SEC63: variants seen among roughly 807,000 people sequenced by gnomAD.
SEC63 encodes the protein translocation protein SEC63 homolog.
Under a neutral mutation model 116.2 loss-of-function variants are expected in SEC63, and 56 were observed. The ratio of observed to expected loss-of-function variants is 0.48; its 90% CI spans 0.39 to 0.60. The LOEUF (loss-of-function observed/expected upper bound fraction) is 0.60. Ranked by LOEUF, SEC63 falls within the 20% of genes least tolerant of loss-of-function variation. SEC63 has a pLI of 0.00. For synonymous variants in SEC63, 273 were observed against 294.6 expected, an observed-to-expected ratio of 0.93 and a Z score of 0.75; for missense variants, 668 against 900.0, an observed-to-expected ratio of 0.74 and a Z score of 3.30.
chr6:107,926,608 CA>C (rs1348261773), intron 2 of SEC63, among the ~76,000 whole-genome samples: 2 of 152,038 alleles, frequency 1.3e-5, no homozygotes, highest in Non-Finnish European at 2.9e-5. Context: ...ATGCTAAAAA[CA>C]AAACAAAACA....
intron 19 of SEC63, among the ~76,000 whole-genome samples, chr6:107,873,628 C>A: frequency 1.7e-5 from 1 of 60,086 alleles, no homozygotes. Context: ...AACCTAGAAA[C>A]TATTAAAAAA....
intron 20 of SEC63, 104 bp downstream of exon 20, chr6:107,872,703 TC>T: frequency 1.4e-6 from 1 of 732,794 alleles, no homozygotes; most frequent in Non-Finnish European, 2.4e-6. Context: ...TGAGATGACT[TC>T]TTTTTCCTTC....
chr6:107,883,027 A>T lies in SEC63; in HGVS notation c.1794T>A (p.Asp598Glu). 6.2e-7 allele frequency: 1 copy of T among 1,612,612 alleles called. No individual in the cohort carries two copies. The highest frequency in any genetic ancestry group is 1.1e-5 in the South Asian group (1 of 91,062). ...EKDDGSDRDS[D>E]REQDEKQNKD... ...TGTTTTGTTTTTCATCTTGCTCTCT[A>T]TCAGAGTCTCTGTCACTACCATCAT... The change falls in exon 17 of 21, where the codon GAT becomes GAA. Residue 598 changes from aspartate (D) to glutamate (E), a missense_variant. By Grantham distance (45) the Asp-to-Glu change is conservative. This residue lies in a region of SEC63 where 430 missense variants were observed against 557.5 expected (regional missense o/e 0.77). Coordinates refer to ENST00000369002, the MANE Select transcript of SEC63 (RefSeq NM_007214.5).
At position 107,921,796 on chromosome 6, in the gene SEC63, C is replaced by T. The variant is rs869312977; in HGVS notation, c.452+1G>A. On this transcript the variant is annotated splice_donor_variant, in intron 4 of 20. Coordinates refer to ENST00000369002, the MANE Select transcript of SEC63 (RefSeq NM_007214.5). LOFTEE classifies it high-confidence loss of function. ...AATTTGTAATGGATCCTGATACTTA[C>T]GCAGCATAAGCTTTTGCTATCCTCA... 9 of 1,570,388 alleles carry T rather than the reference C, an allele frequency of 5.7e-6. No homozygotes were observed. Among genetic ancestry groups the T allele is most frequent in the East Asian group, 2.2e-5 (1 of 44,668 alleles).
intron 1 of SEC63, among the ~76,000 whole-genome samples, chr6:107,931,281 G>T (rs141080690): frequency 6.6e-6 from 1 of 151,496 alleles, no homozygotes; most frequent in Non-Finnish European, 1.5e-5. Context: ...GGCGAAGGTC[G>T]CAGTGAGCCA....
intron 4 of SEC63, among the ~76,000 whole-genome samples, chr6:107,914,776 C>G (rs1208664434): frequency 1.3e-5 from 2 of 152,154 alleles, no homozygotes; most frequent in East Asian, 3.8e-4. Flanking sequence ...CTAATTGGAT[C>G]CTTCTGCCCA....
chr6:107,881,202 A>G lies in SEC63; in HGVS notation c.1882T>C (p.Leu628=), dbSNP rs149629810. 1.8e-5 allele frequency: 29 copies of G among 1,613,190 alleles called. No homozygotes were observed. The highest frequency in any genetic ancestry group is 1.7e-4 in the Middle Eastern group (1 of 5,732). ...TGTGTTATTTTTGATTTGGTTTCCA[A>G]TAGAGCTCTCTCTTTTCGCTGTATG... The part of the protein sequence containing the change: ...QSIQRKERAL[L]ETKSKITHPV... The change falls in exon 18 of 21, where the codon TTG becomes CTG. Residue 628 remains leucine, a synonymous_variant. Transcript: ENST00000369002.
intron 2 of SEC63, among the ~76,000 whole-genome samples, chr6:107,928,800 C>G (rs1372507859): frequency 6.6e-6 from 1 of 152,164 alleles, no homozygotes; most frequent in Non-Finnish European, 1.5e-5. Flanking sequence ...CCAGTACACC[C>G]CATAGCCTCA....
intron 5 of SEC63, 127 bp downstream of exon 5, chr6:107,913,239 A>G (rs773096501): frequency 7.7e-5 from 55 of 718,926 alleles, no homozygotes; most frequent in Non-Finnish European, 1.2e-4. Flanking sequence ...TGAGAGCTCA[A>G]TTTATCTATG....
Position 107,867,995 on chromosome 6 carries a change from T to C in SEC63, c.*3709A>G, listed in dbSNP as rs1160305060. The C allele has an allele frequency of 6.6e-6, 1 of 152,166 alleles. No homozygotes were observed. The highest frequency in any genetic ancestry group is 2.4e-5 in the African/African-American group (1 of 41,438). 9.4% of individuals were successfully genotyped at this position (152,166 alleles called of 1,614,324 possible). ...TTGTTATTTGGGTTTTCAGCTCAGG[T>C]TACAGAAATATGTACAAGATCGCAT... On this transcript the variant is annotated 3_prime_UTR_variant, in exon 21 of 21. Coordinates refer to ENST00000369002, the MANE Select transcript of SEC63 (RefSeq NM_007214.5).
At chr6:107,934,571 TG>T in intron 1 of SEC63, among the ~76,000 whole-genome samples, 1 of 144,408 alleles carries the variant, frequency 6.9e-6, no homozygotes, top group East Asian at 2.1e-4. Flanking sequence ...CCACCCCGTC[TG>T]GGAAGTGAGG....
At chr6:107,908,443 T>C (rs1404233086) in intron 8 of SEC63, among the ~76,000 whole-genome samples, 1 of 152,192 alleles carries the variant, frequency 6.6e-6, no homozygotes, top group Non-Finnish European at 1.5e-5. Context: ...TAATACACTA[T>C]AACATAATGG....
At position 107,949,525 on chromosome 6, in the gene SEC63, T is replaced by A. The variant is rs114297663; in HGVS notation, c.124+8361A>T. On this transcript the variant is annotated intron_variant, in intron 1 of 20. Coordinates refer to ENST00000369002, the MANE Select transcript of SEC63 (RefSeq NM_007214.5). Reference sequence around the variant, plus strand: ...AGAAAATGCAAAGAAATGTAAACATTTCACTACAAAAAAAATCAGCTAAAC... The same window carrying A: ...AGAAAATGCAAAGAAATGTAAACATATCACTACAAAAAAAATCAGCTAAAC... Among the ~76,000 whole-genome samples, 466 of 152,132 alleles carry A rather than the reference T, an allele frequency of 3.1e-3. 3 individuals are homozygous for A. Among genetic ancestry groups the A allele is most frequent in the African/African-American group, 0.011 (437 of 41,482 alleles).
Position 107,914,580 on chromosome 6 carries a change from G to A in SEC63, c.453-1153C>T, listed in dbSNP as rs575576942. Among the ~76,000 whole-genome samples the A allele has an allele frequency of 9.9e-5, 15 of 152,216 alleles. No individual in the cohort carries two copies. In the South Asian group the frequency reaches 2.5e-3, roughly 25 times the overall value. ...TGTAACTCCACTTACACTATTTGAT[G>A]AAAGGCCACAGAAAAATACAGGAGC... On this transcript the variant is annotated intron_variant, in intron 4 of 20. Transcript: ENST00000369002.
chr6:107,909,376 CAAA>C (rs960279937), intron 7 of SEC63, among the ~76,000 whole-genome samples: 3 of 63,604 alleles, frequency 4.7e-5, no homozygotes, highest in Non-Finnish European at 6.8e-5. Flanking sequence ...GACTCTGTCT[CAAA>C]AAAAAAAAAA....
intron 1 of SEC63, among the ~76,000 whole-genome samples, chr6:107,943,054 G>A (rs993143602): frequency 6.6e-6 from 1 of 152,148 alleles, no homozygotes; most frequent in African/African-American, 2.4e-5. Context: ...AAAAATACAA[G>A]AGAACCTCAA....
chr6:107,871,980 C>T (rs922499541), intron 20 of SEC63, 133 bp from the exon 21 acceptor site: 3 of 836,272 alleles, frequency 3.6e-6, no homozygotes, highest in Non-Finnish European at 3.9e-6. Context: ...ATTCTAAATT[C>T]AACTCATTCA....
chr6:107,929,850 T>C (rs766682837), intron 1 of SEC63, among the ~76,000 whole-genome samples: 8 of 152,182 alleles, frequency 5.3e-5, no homozygotes, highest in Non-Finnish European at 1.0e-4. Flanking sequence ...CCCTCTGCTA[T>C]AGAAGGAACA....
chr6:107,923,222 C>A (rs1349525185), intron 3 of SEC63, among the ~76,000 whole-genome samples: 1 of 152,054 alleles, frequency 6.6e-6, no homozygotes, highest in Non-Finnish European at 1.5e-5. Flanking sequence ...CAGCTCGCTG[C>A]AGCCTTGACT....
Sources: allele counts gnomAD v4.1 joint callset (sites outside exome capture counted in the v4.1 genomes callset), GRCh38; gene constraint gnomAD v4.1.1; regional missense constraint gnomAD v4.1.1; transcripts MANE v1.5; gene names NCBI Gene and HGNC (gene_info 2026-07-23, HGNC 2026-07-21).